TTLL7: variants seen among roughly 807,000 people sequenced by gnomAD.
TTLL7 encodes tubulin polyglutamylase TTLL7.
Under a neutral mutation model 120.2 loss-of-function variants are expected in TTLL7, and 53 were observed. That is an observed-to-expected ratio of 0.44 (90% CI 0.35 to 0.55). The LOEUF is 0.55. Ranked by LOEUF, TTLL7 falls within the 20% of genes least tolerant of loss-of-function variation. TTLL7 has a pLI of 0.00. For missense variants in TTLL7, 803 were observed against 1,054.7 expected (o/e 0.76, Z 3.31); for synonymous variants, 353 against 351.7 (o/e 1.00, Z -0.04).
intron 3 of TTLL7, 145 bp downstream of exon 3, chr1:83,951,700 A>C (rs1649070136): frequency 4.7e-6 from 4 of 848,672 alleles, no homozygotes; most frequent in Non-Finnish European, 7.0e-6. Flanking sequence ...AATCCTTCTA[A>C]TATGTTAGAA....
At chr1:83,950,052 A>T (rs547493546) in intron 3 of TTLL7, 66 bp from the exon 4 acceptor site, 2 of 1,365,166 alleles carry the variant, frequency 1.5e-6, no homozygotes, top group African/African-American at 2.9e-5. Flanking sequence ...TTGCAGAAAC[A>T]TTTTTCTATC....
chr1:83,937,985 G>A lies in TTLL7; in HGVS notation c.755C>T (p.Ser252Phe). The change falls in exon 8 of 21, where the codon TCC (serine) becomes TTC (phenylalanine). Residue 252 changes from serine to phenylalanine, a missense_variant. Physicochemically the swap from Ser to Phe is radical, Grantham distance 155. Coordinates refer to ENST00000260505, the MANE Select transcript of TTLL7 (RefSeq NM_024686.6). ...AAAATGCTCATTATGCTTGTTCACG[G>A]AGTAGTTTGTCAGATGCATGTATAA... ...TQLYMHLTNY[S>F]VNKHNEHFER... 1.2e-6 allele frequency: 2 copies of A among 1,613,990 alleles called. No individual in the cohort carries two copies. Among genetic ancestry groups the A allele is most frequent in the Non-Finnish European group, 1.7e-6 (2 of 1,179,928 alleles).
Position 83,919,688 on chromosome 1 carries a change from C to T in TTLL7, c.1500+11G>A. ...ATTCTTTTTTCTCTATATAAACATT[C>T]ATTCTCTTACCTTCATCCTTTTCAA... is the stretch of plus-strand genomic sequence containing the variant. On this transcript the variant is annotated intron_variant, in intron 13 of 20. Transcript: ENST00000260505. 1 of 1,603,856 alleles carries T rather than the reference C, an allele frequency of 6.2e-7. No homozygotes were observed. Among genetic ancestry groups the T allele is most frequent in the Non-Finnish European group, 8.5e-7 (1 of 1,175,912 alleles).
At chr1:83,994,388 A>G (rs1653294275) in intron 1 of TTLL7, among the ~76,000 whole-genome samples, 1 of 152,206 alleles carries the variant, frequency 6.6e-6, no homozygotes, top group African/African-American at 2.4e-5. Context: ...ACAGTGAGGA[A>G]GCTCAGGTGA....
At chr1:83,938,341 TG>T (rs1345507141) in intron 7 of TTLL7, among the ~76,000 whole-genome samples, 1 of 152,240 alleles carries the variant, frequency 6.6e-6, no homozygotes, top group Non-Finnish European at 1.5e-5. Flanking sequence ...GATCTGAGTT[TG>T]TTCTTGTTAA....
Position 83,933,901 on chromosome 1 carries a change from T to G in TTLL7, c.889-135A>C. 5.3e-6 allele frequency: 4 copies of G among 750,454 alleles called. 1 individual carries two copies. In the South Asian group the frequency reaches 7.5e-5, roughly 14 times the overall value. 46.5% of individuals were successfully genotyped at this position (750,454 alleles called of 1,614,324 possible). ...TGGCATCTAGCCCCTGCCACTGCTC[T>G]GACTTCATTCTTCACTCTTACCCCT... On this transcript the variant is annotated intron_variant, in intron 8 of 20. Coordinates refer to ENST00000260505, the MANE Select transcript of TTLL7 (RefSeq NM_024686.6).
At chr1:83,972,636 G>A (rs1188031796) in intron 1 of TTLL7, among the ~76,000 whole-genome samples, 2 of 152,014 alleles carry the variant, frequency 1.3e-5, no homozygotes, top group Non-Finnish European at 2.9e-5. Context: ...GGATCACATG[G>A]TATGAACTGC....
chr1:83,947,762 T>A (rs1648646527), intron 5 of TTLL7: 2 of 152,346 alleles, frequency 1.3e-5, no homozygotes, highest in Middle Eastern at 6.8e-3. Context: ...ATACTATTTA[T>A]GTTGCTTCTT....
intron 1 of TTLL7, among the ~76,000 whole-genome samples, chr1:83,966,290 T>C (rs951379324): frequency 2.0e-5 from 3 of 152,130 alleles, no homozygotes; most frequent in Non-Finnish European, 4.4e-5. Context: ...TAGACTACTC[T>C]GCAGATTTTT....
chr1:83,921,063 A>G, intron 12 of TTLL7, 24 bp downstream of exon 12: 2 of 1,590,256 alleles, frequency 1.3e-6, no homozygotes, highest in Non-Finnish European at 1.7e-6. Context: ...TTTTCAATCT[A>G]TACAAAAATA....
At chr1:83,896,142 CG>C (rs1656201633) in intron 18 of TTLL7, among the ~76,000 whole-genome samples, 1 of 152,118 alleles carries the variant, frequency 6.6e-6, no homozygotes, top group African/African-American at 2.4e-5. Context: ...ATGAATAATT[CG>C]TGAAACACAA....
intron 1 of TTLL7, among the ~76,000 whole-genome samples, chr1:83,994,615 T>C (rs529083639): frequency 3.3e-5 from 5 of 152,142 alleles, no homozygotes; most frequent in Admixed American, 6.5e-5. Flanking sequence ...GTTGGGAACT[T>C]TATGCATCTG....
chr1:83,992,944 TTA>T (rs574834813), intron 1 of TTLL7, among the ~76,000 whole-genome samples: 11 of 152,268 alleles, frequency 7.2e-5, no homozygotes, highest in African/African-American at 2.6e-4. Context: ...TCAGCAATCA[TTA>T]TGAATATCAC....
At chr1:83,909,269 C>CTTTTTTTTTTTTTT (rs71582911) in intron 15 of TTLL7, among the ~76,000 whole-genome samples, 5 of 99,294 alleles carry the variant, frequency 5.0e-5, no homozygotes, top group African/African-American at 7.7e-5. Context: ...TTTTTTTTTC[C>CTTTTTTTTTTTTTT]TTTTTTTTTT....
chr1:83,951,193 C>CA (rs1377211161), intron 3 of TTLL7, among the ~76,000 whole-genome samples: 2 of 151,936 alleles, frequency 1.3e-5, no homozygotes, highest in Non-Finnish European at 2.9e-5. Flanking sequence ...ACTAAAAATA[C>CA]AAAAAATTAG....
chr1:83,879,148 A>G (rs1654219523), intron 20 of TTLL7, among the ~76,000 whole-genome samples: 1 of 151,990 alleles, frequency 6.6e-6, no homozygotes, highest in East Asian at 1.9e-4. Flanking sequence ...CTATTAATAA[A>G]TATTAAGTGA....
intron 20 of TTLL7, among the ~76,000 whole-genome samples, chr1:83,877,907 T>C (rs1654074547): frequency 6.6e-6 from 1 of 151,836 alleles, no homozygotes; most frequent in African/African-American, 2.4e-5. Flanking sequence ...CTAAAAATGG[T>C]TGCTTAGATT....
chr1:83,870,087 A>C lies in TTLL7; in HGVS notation c.2544-5T>G, dbSNP rs777074614. The C allele has an allele frequency of 1.5e-5, 23 of 1,540,996 alleles. No individual in the cohort carries two copies. The East Asian group carries it at 4.6e-4, about 31-fold the overall frequency. On this transcript the variant is annotated splice_region_variant and splice_polypyrimidine_tract_variant and intron_variant, in intron 20 of 20. Coordinates refer to ENST00000260505, the MANE Select transcript of TTLL7 (RefSeq NM_024686.6). ...GTGCTCCCTGGTAGTAAATACCTAA[A>C]AATGATGGTTAACAAATTAGATTTT...
intron 19 of TTLL7, chr1:83,885,021 CACAT>C (rs1654864645): frequency 4.2e-6 from 1 of 238,816 alleles, no homozygotes; most frequent in Non-Finnish European, 6.8e-6. Context: ...CTAGATATGA[CACAT>C]ACGTGTTTAT....
Sources: allele counts gnomAD v4.1 joint callset (sites outside exome capture counted in the v4.1 genomes callset), GRCh38; gene constraint gnomAD v4.1.1; transcripts MANE v1.5; gene names NCBI Gene and HGNC (gene_info 2026-07-23, HGNC 2026-07-21).